Variants in SYNJ2BP observed in about 807,000 individuals in gnomAD.
SYNJ2BP encodes synaptojanin-2-binding protein.
A neutral mutation model predicts 16.9 loss-of-function variants in SYNJ2BP; 10 were observed. That is an observed-to-expected ratio of 0.59 (90% CI 0.36 to 1.00). The LOEUF is 1.00. SYNJ2BP is among the 50% of genes least tolerant of loss of function. The probability of loss-of-function intolerance (pLI) is 0.01; values close to 1 mark genes in which losing one functional copy is unlikely to be tolerated. For synonymous variants in SYNJ2BP, 54 were observed against 68.4 expected (o/e 0.79, Z 1.04); for missense variants, 162 against 186.7 (o/e 0.87, Z 0.77).
At chr14:70,408,146 A>C (rs1888388761) in intron 1 of SYNJ2BP, among the ~76,000 whole-genome samples, 1 of 151,054 alleles carries the variant, frequency 6.6e-6, no homozygotes, top group African/African-American at 2.4e-5. Context: ...TTGCAGTAAT[A>C]GGGTTTTTTT....
At chr14:70,410,355 T>C (rs1258547446) in intron 1 of SYNJ2BP, among the ~76,000 whole-genome samples, 1 of 152,122 alleles carries the variant, frequency 6.6e-6, no homozygotes, top group Non-Finnish European at 1.5e-5. Context: ...ACTCAGGAGG[T>C]CAAGGCTGCA....
At chr14:70,375,186 CT>C (rs759223013) in intron 3 of SYNJ2BP, among the ~76,000 whole-genome samples, 15 of 144,494 alleles carry the variant, frequency 1.0e-4, no homozygotes, top group South Asian at 8.7e-4. Context: ...GTGAATTTCT[CT>C]TTTTTTTCTC....
At chr14:70,414,034 G>T (rs1244127396) in intron 1 of SYNJ2BP, among the ~76,000 whole-genome samples, 1 of 152,212 alleles carries the variant, frequency 6.6e-6, no homozygotes, top group Non-Finnish European at 1.5e-5. Context: ...GAAGTTTCTA[G>T]TGGTGATTAG....
At position 70,407,260 on chromosome 14, in the gene SYNJ2BP, C is replaced by G. The variant is rs144847746; in HGVS notation, c.64+9640G>C. Among the ~76,000 whole-genome samples, 282 of 152,158 alleles carry G rather than the reference C, an allele frequency of 1.9e-3. 1 individual carries two copies. The highest frequency in any genetic ancestry group is 6.0e-3 in the African/African-American group (248 of 41,504). Reference sequence around the variant, plus strand: ...TGACTAACATGGTGAAACCATGTCTCTACTAAAAATACAAAAAATTAGCCA... The same window carrying G: ...TGACTAACATGGTGAAACCATGTCTGTACTAAAAATACAAAAAATTAGCCA... On this transcript the variant is annotated intron_variant, in intron 1 of 3. Coordinates refer to ENST00000256366, the MANE Select transcript of SYNJ2BP (RefSeq NM_018373.3).
rs148753305 is a variant in SYNJ2BP, at chr14:70,396,624, A to T, written c.65-8018T>A. Among the ~76,000 whole-genome samples, 105 of 151,124 alleles carry T rather than the reference A, an allele frequency of 6.9e-4. 1 individual carries two copies. Among genetic ancestry groups the T allele is most frequent in the African/African-American group, 2.5e-3 (102 of 41,292 alleles). Reference sequence around the variant, plus strand: ...TATGTATGTATATATATGTATATTTATATATATATGTATGTGTATATATAT... The same window carrying T: ...TATGTATGTATATATATGTATATTTTTATATATATGTATGTGTATATATAT... On this transcript the variant is annotated intron_variant, in intron 1 of 3. Coordinates refer to ENST00000256366, the MANE Select transcript of SYNJ2BP (RefSeq NM_018373.3).
At chr14:70,412,245 G>A (rs550703195) in intron 1 of SYNJ2BP, among the ~76,000 whole-genome samples, 2 of 152,236 alleles carry the variant, frequency 1.3e-5, no homozygotes, top group East Asian at 1.9e-4. Flanking sequence ...AAGGTCAGGG[G>A]AAAGGTTGGC....
chr14:70,412,127 C>A (rs894140534), intron 1 of SYNJ2BP, among the ~76,000 whole-genome samples: 4 of 152,084 alleles, frequency 2.6e-5, no homozygotes, highest in African/African-American at 7.2e-5. Flanking sequence ...CCTTGATATG[C>A]CCTCAGCTCT....
At chr14:70,373,943 C>T (rs903950130) in intron 3 of SYNJ2BP, among the ~76,000 whole-genome samples, 1 of 152,174 alleles carries the variant, frequency 6.6e-6, no homozygotes, top group African/African-American at 2.4e-5. Flanking sequence ...AAAACTGACA[C>T]TTCAATCTGA....
intron 1 of SYNJ2BP, among the ~76,000 whole-genome samples, chr14:70,402,559 C>A (rs1252377989): frequency 6.6e-6 from 1 of 151,760 alleles, no homozygotes; most frequent in Non-Finnish European, 1.5e-5. Context: ...GCAGTCCTCA[C>A]TGGGACAACA....
chr14:70,404,031 C>T (rs554535173), intron 1 of SYNJ2BP, among the ~76,000 whole-genome samples: 4 of 152,182 alleles, frequency 2.6e-5, no homozygotes, highest in Admixed American at 6.5e-5. Context: ...ATGTATGTAA[C>T]GTCAGGGTTT....
rs542480674 is a variant in SYNJ2BP at position 70,390,024 on chromosome 14, G to A, written c.65-1418C>T. Reference sequence around the variant, plus strand: ...AAAATCTGTTCGGAGTAGATCTCACGTTAAGTGTTCCTACCACAGTAAAAC... The same window carrying A: ...AAAATCTGTTCGGAGTAGATCTCACATTAAGTGTTCCTACCACAGTAAAAC... On this transcript the variant is annotated intron_variant, in intron 1 of 3. Transcript: ENST00000256366. Among the ~76,000 whole-genome samples, 4 of 151,462 alleles carry A rather than the reference G, an allele frequency of 2.6e-5. No homozygotes were observed. The South Asian group carries it at 6.3e-4, about 24-fold the overall frequency.
At chr14:70,395,000 G>T (rs1888060228) in intron 1 of SYNJ2BP, among the ~76,000 whole-genome samples, 1 of 152,142 alleles carries the variant, frequency 6.6e-6, no homozygotes, top group Non-Finnish European at 1.5e-5. Context: ...CATCTTTGCA[G>T]AAAATATAAA....
At chr14:70,407,145 C>T (rs934986985) in intron 1 of SYNJ2BP, among the ~76,000 whole-genome samples, 6 of 152,030 alleles carry the variant, frequency 3.9e-5, no homozygotes, top group Non-Finnish European at 8.8e-5. Flanking sequence ...ATGGCAAAAA[C>T]CGGCCAGGTG....
At chr14:70,398,310 T>C (rs887917799) in intron 1 of SYNJ2BP, among the ~76,000 whole-genome samples, 1 of 152,042 alleles carries the variant, frequency 6.6e-6, no homozygotes, top group African/African-American at 2.4e-5. Flanking sequence ...GGCCTGAAGG[T>C]GGGGCCTCAC....
At chr14:70,380,093 G>T (rs1020299009) in intron 2 of SYNJ2BP, among the ~76,000 whole-genome samples, 2 of 152,152 alleles carry the variant, frequency 1.3e-5, no homozygotes, top group African/African-American at 4.8e-5. Flanking sequence ...AGTTCTGTAA[G>T]TTAGGAACCC....
At chr14:70,415,450 C>G (rs1191207437) in intron 1 of SYNJ2BP, among the ~76,000 whole-genome samples, 2 of 150,672 alleles carry the variant, frequency 1.3e-5, no homozygotes, top group Non-Finnish European at 3.0e-5. Context: ...ACTCAGGAGG[C>G]TGAGGTGGGA....
At chr14:70,400,538 T>C (rs557464003) in intron 1 of SYNJ2BP, among the ~76,000 whole-genome samples, 2 of 152,342 alleles carry the variant, frequency 1.3e-5, no homozygotes, top group Admixed American at 1.3e-4. Flanking sequence ...CAATACCCTT[T>C]TGAATTTAGT....
chr14:70,395,178 T>TTA (rs1888063894), intron 1 of SYNJ2BP, among the ~76,000 whole-genome samples: 1 of 152,234 alleles, frequency 6.6e-6, no homozygotes, highest in Admixed American at 6.5e-5. Context: ...GTAACTGTTG[T>TTA]CAAGGTTCCT....
rs1336755711 is a variant in SYNJ2BP, at chr14:70,368,120, C to T, written c.*4871G>A. The T allele has an allele frequency of 1.3e-5, 2 of 151,910 alleles. No individual in the cohort carries two copies. Among genetic ancestry groups the T allele is most frequent in the Non-Finnish European group, 2.9e-5 (2 of 68,000 alleles). The allele number at this position is 151,910 out of a possible 1,614,324, so 9.4% of individuals were successfully genotyped here. A position where few individuals can be genotyped will look rare whatever the true frequency, so the allele number is the denominator to read the frequency against. On this transcript the variant is annotated 3_prime_UTR_variant, in exon 4 of 4. Coordinates refer to ENST00000256366, the MANE Select transcript of SYNJ2BP (RefSeq NM_018373.3). The stretch of plus-strand genomic sequence containing the variant: ...TTCTTTAAATATACTTTAAAAATTG[C>T]TTATTTACACAATAAAAACAATGTC...
Sources: gnomAD v4.1 joint callset for allele counts (sites outside exome capture counted in the v4.1 genomes callset) on GRCh38, gnomAD v4.1.1 for gene constraint, MANE v1.5 for transcripts, NCBI Gene and HGNC (gene_info 2026-07-23, HGNC 2026-07-21) for gene names.